The following GALNT7 variants were observed in gnomAD, a reference collection of about 807,000 sequenced individuals.
GALNT7 encodes the protein N-acetylgalactosaminyltransferase 7.
GALNT7 carries 60 observed loss-of-function variants against 82.1 expected under a neutral mutation model. That is an observed-to-expected ratio of 0.73 (90% CI 0.59 to 0.91). The LOEUF is 0.91. Ranked by LOEUF, GALNT7 falls within the 40% of genes least tolerant of loss-of-function variation. GALNT7 has a pLI of 0.00. For missense variants in GALNT7, 660 were observed against 804.2 expected, an observed-to-expected ratio of 0.82 and a Z score of 2.17; for synonymous variants, 243 against 275.1, an observed-to-expected ratio of 0.88 and a Z score of 1.15.
intron 8 of GALNT7, among the ~76,000 whole-genome samples, chr4:173,308,929 C>A (rs977821590): frequency 3.9e-5 from 6 of 152,052 alleles, no homozygotes; most frequent in African/African-American, 1.2e-4. Context: ...AGAGGAAAAT[C>A]CCACTGACTC....
intron 2 of GALNT7, among the ~76,000 whole-genome samples, chr4:173,265,587 ATCTCTCTCTC>A (rs59676800): frequency 0.027 from 3,169 of 117,992 alleles, 83 homozygotes; most frequent in African/African-American, 0.068. Context: ...TGGCGTAAGC[ATCTCTCTCTC>A]TCTCTCTCTC....
At chr4:173,246,339 G>A (rs1428730314) in intron 1 of GALNT7, among the ~76,000 whole-genome samples, 1 of 152,066 alleles carries the variant, frequency 6.6e-6, no homozygotes, top group Admixed American at 6.6e-5. Context: ...TATCTTACAG[G>A]TTCCTTTTTT....
Position 173,169,131 on chromosome 4 carries a change from C to G in GALNT7, c.126+170C>G, listed in dbSNP as rs1296646754. 3 of 369,940 alleles carry G rather than the reference C, an allele frequency of 8.1e-6. No individual in the cohort carries two copies. The Admixed American group carries it at 1.5e-4, about 19-fold the overall frequency. The allele number at this position is 369,940 out of a possible 1,614,324, so 22.9% of individuals were successfully genotyped here. On this transcript the variant is annotated intron_variant, in intron 1 of 11. Coordinates refer to ENST00000265000, the MANE Select transcript of GALNT7 (RefSeq NM_017423.3). The stretch of plus-strand genomic sequence containing the variant: ...AGGGGGTGCCGAGCCCCGCGCACTC[C>G]GACCTCCCTGGCCGCCGCCGGCCCG...
intron 5 of GALNT7, among the ~76,000 whole-genome samples, chr4:173,296,960 C>T (rs761276692): frequency 1.0e-3 from 154 of 152,288 alleles, no homozygotes; most frequent in Middle Eastern, 3.4e-3. Flanking sequence ...GGTTTTTAAA[C>T]TTCTGAAAAG....
chr4:173,306,435 G>T (rs895939794), intron 8 of GALNT7, among the ~76,000 whole-genome samples: 15 of 152,162 alleles, frequency 9.9e-5, no homozygotes, highest in Admixed American at 3.9e-4. Flanking sequence ...GGGCATCCTT[G>T]TCTTGTTCTT....
At chr4:173,198,199 A>G (rs1207244321) in intron 1 of GALNT7, among the ~76,000 whole-genome samples, 1 of 148,856 alleles carries the variant, frequency 6.7e-6, no homozygotes, top group Non-Finnish European at 1.5e-5. Flanking sequence ...AGCTGGGACT[A>G]CAGGTGCCCG....
rs113688618 is a variant in GALNT7 at position 173,265,621 on chromosome 4, G to C, written c.587+17181G>C. ...TCTCTCTCTCTCTCTCTCTCTCTCT[G>C]TCTCTGTCTCTCCACCCCCAAGACC... On this transcript the variant is annotated intron_variant, in intron 2 of 11. Transcript: ENST00000265000. Among the ~76,000 whole-genome samples the C allele has an allele frequency of 5.4e-3, 596 of 110,722 alleles. 7 individuals carry two copies. Among genetic ancestry groups the C allele is most frequent in the African/African-American group, 0.024 (551 of 23,114 alleles). 72.6% of individuals were successfully genotyped at this position (110,722 alleles called of 152,430 possible). A position where few individuals can be genotyped will look rare whatever the true frequency, so the allele number is the denominator to read the frequency against.
intron 2 of GALNT7, among the ~76,000 whole-genome samples, chr4:173,288,320 A>G (rs2126822299): frequency 6.6e-6 from 1 of 150,936 alleles, no homozygotes; most frequent in East Asian, 1.9e-4. Flanking sequence ...AGAACATATG[A>G]ATTGAATGGC....
intron 2 of GALNT7, among the ~76,000 whole-genome samples, chr4:173,249,963 G>C (rs1734791898): frequency 6.6e-6 from 1 of 152,162 alleles, no homozygotes. Flanking sequence ...GAAATGACTG[G>C]TGGCATTTCA....
intron 2 of GALNT7, among the ~76,000 whole-genome samples, chr4:173,278,225 G>A (rs767116660): frequency 5.9e-5 from 9 of 152,212 alleles, no homozygotes; most frequent in Non-Finnish European, 1.0e-4. Context: ...TACCTTAGTA[G>A]ACCAGGAGAC....
At chr4:173,213,817 C>T (rs546349256) in intron 1 of GALNT7, among the ~76,000 whole-genome samples, 1 of 152,052 alleles carries the variant, frequency 6.6e-6, no homozygotes, top group Non-Finnish European at 1.5e-5. Flanking sequence ...GTTTGCTGGC[C>T]ATTATGTTTT....
At chr4:173,297,518 G>A (rs1456600776) in intron 5 of GALNT7, among the ~76,000 whole-genome samples, 1 of 152,162 alleles carries the variant, frequency 6.6e-6, no homozygotes, top group Non-Finnish European at 1.5e-5. Flanking sequence ...GTTGCCTTTA[G>A]GACCAAAGCG....
At chr4:173,313,527 C>T (rs965502549) in intron 8 of GALNT7, among the ~76,000 whole-genome samples, 2 of 148,202 alleles carry the variant, frequency 1.3e-5, no homozygotes, top group Non-Finnish European at 3.0e-5. Flanking sequence ...GCCAAGATTG[C>T]ACCACTGCAC....
intron 1 of GALNT7, among the ~76,000 whole-genome samples, chr4:173,194,347 G>A (rs2126643901): frequency 1.3e-5 from 2 of 152,278 alleles, no homozygotes; most frequent in East Asian, 1.9e-4. Flanking sequence ...TTATCATCTC[G>A]GAAATTCTGT....
intron 1 of GALNT7, among the ~76,000 whole-genome samples, chr4:173,242,685 G>T (rs1040134674): frequency 2.0e-5 from 3 of 152,224 alleles, no homozygotes; most frequent in Non-Finnish European, 4.4e-5. Context: ...ACTAAGCAGA[G>T]AGAAAGAAGG....
chr4:173,255,647 A>G lies in GALNT7; in HGVS notation c.587+7207A>G, dbSNP rs570071998. On this transcript the variant is annotated intron_variant, in intron 2 of 11. Coordinates refer to ENST00000265000, the MANE Select transcript of GALNT7 (RefSeq NM_017423.3). ...CGAATAAGTCTTTTGCCCATGGGAA[A>G]CACCAACACAGAGATTAAGGGATGT... Among the ~76,000 whole-genome samples the G allele has an allele frequency of 3.3e-5, 5 of 152,192 alleles. 1 individual carries two copies. In the South Asian group the frequency reaches 1.0e-3, roughly 32 times the overall value.
At chr4:173,189,598 C>T (rs1732562707) in intron 1 of GALNT7, among the ~76,000 whole-genome samples, 1 of 152,188 alleles carries the variant, frequency 6.6e-6, no homozygotes, top group South Asian at 2.1e-4. Flanking sequence ...TCTGCATAGG[C>T]AAGATTGAAT....
chr4:173,205,708 T>C (rs1733067655), intron 1 of GALNT7, among the ~76,000 whole-genome samples: 1 of 152,036 alleles, frequency 6.6e-6, no homozygotes, highest in Non-Finnish European at 1.5e-5. Flanking sequence ...GTCTGAAGTC[T>C]GGGGCTGTGT....
intron 1 of GALNT7, among the ~76,000 whole-genome samples, chr4:173,200,189 C>T (rs1378466870): frequency 6.6e-6 from 1 of 152,158 alleles, no homozygotes; most frequent in Non-Finnish European, 1.5e-5. Flanking sequence ...AACAGCACTT[C>T]GGAATTAATC....
Sources: allele counts gnomAD v4.1 joint callset (sites outside exome capture counted in the v4.1 genomes callset), GRCh38; gene constraint gnomAD v4.1.1; transcripts MANE v1.5; gene names NCBI Gene and HGNC (gene_info 2026-07-23, HGNC 2026-07-21).